PHTF1: variants seen among roughly 807,000 people sequenced by gnomAD.
PHTF1 encodes the protein putative homeodomain transcription factor 1.
A neutral mutation model predicts 102.4 loss-of-function variants in PHTF1; 88 were observed. That is an observed-to-expected ratio of 0.86 (90% CI 0.72 to 1.03). PHTF1 has a LOEUF of 1.03. Ranked by LOEUF, PHTF1 falls within the 50% of genes least tolerant of loss-of-function variation. PHTF1 has a pLI of 0.00. For synonymous variants in PHTF1, 289 were observed against 305.2 expected (o/e 0.95, Z 0.55); for missense variants, 814 against 909.5 (o/e 0.89, Z 1.35).
At chr1:113,729,707 G>A (rs1557944087) in intron 5 of PHTF1, among the ~76,000 whole-genome samples, 1 of 152,166 alleles carries the variant, frequency 6.6e-6, no homozygotes, top group Admixed American at 6.5e-5. Flanking sequence ...AGGTACCTAA[G>A]GATGGCTGCT....
rs12407712 is a variant in PHTF1, at chr1:113,758,824, T to C, written c.-30-91A>G. 2,757 of 1,457,422 alleles carry C rather than the reference T, an allele frequency of 1.9e-3. 6 individuals are homozygous for C. Among genetic ancestry groups the C allele is most frequent in the Middle Eastern group, 0.011 (52 of 4,746 alleles). 90.3% of individuals were successfully genotyped at this position (1,457,422 alleles called of 1,614,324 possible). A position where few individuals can be genotyped will look rare whatever the true frequency, so the allele number is the denominator to read the frequency against. On this transcript the variant is annotated intron_variant, in intron 1 of 18. Coordinates refer to ENST00000369604, the MANE Select transcript of PHTF1 (RefSeq NM_001323043.2). ...GACGCGAAAACCGCTTCTCTCAGCC[T>C]CTCCATGAGCTGCTCTTTCTCCAGC...
intron 11 of PHTF1, among the ~76,000 whole-genome samples, chr1:113,708,043 G>C (rs909429635): frequency 6.6e-6 from 1 of 152,122 alleles, no homozygotes; most frequent in Non-Finnish European, 1.5e-5. Context: ...AGGAGGGAGG[G>C]AATGGTCAGA....
At chr1:113,732,370 C>A (rs1014721888) in intron 5 of PHTF1, among the ~76,000 whole-genome samples, 3 of 152,106 alleles carry the variant, frequency 2.0e-5, no homozygotes, top group Non-Finnish European at 4.4e-5. Flanking sequence ...GTGGCATACG[C>A]CTGTAATCCC....
In PHTF1 at chr1:113,712,054, A is replaced by G; in HGVS notation, c.843T>C (p.Gly281=). The G allele has an allele frequency of 1.2e-6, 2 of 1,614,044 alleles. No homozygotes were observed. Among genetic ancestry groups the G allele is most frequent in the Non-Finnish European group, 1.7e-6 (2 of 1,179,940 alleles). The part of the protein sequence containing the change: ...VSDDLSSEED[G]EARTQMILLR... The stretch of plus-strand genomic sequence containing the variant: ...ATAATATCATCTGTGTCCGTGCTTC[A>G]CCATCTTCTTCACTTGACAGGTCAT... Residue 281 remains glycine (G), a synonymous_variant, in exon 9 of 19, where the codon GGT becomes GGC. Transcript: ENST00000369604.
rs761126479 is a variant in PHTF1 at position 113,711,864 on chromosome 1, G to C, written c.958-29C>G. 3.1e-6 allele frequency: 5 copies of C among 1,605,542 alleles called. No homozygotes were observed. The East Asian group carries it at 8.9e-5, about 29-fold the overall frequency. ...CCAAAAATCAAACCAACAAGCAATAGGAAAATATGTTAAATGCTTTGTTAC... is the reference window on the plus strand; with the variant it reads ...CCAAAAATCAAACCAACAAGCAATACGAAAATATGTTAAATGCTTTGTTAC... On this transcript the variant is annotated intron_variant, in intron 9 of 18. Coordinates refer to ENST00000369604, the MANE Select transcript of PHTF1 (RefSeq NM_001323043.2).
intron 3 of PHTF1, among the ~76,000 whole-genome samples, chr1:113,746,095 A>G (rs1301979188): frequency 6.6e-6 from 1 of 152,218 alleles, no homozygotes; most frequent in Non-Finnish European, 1.5e-5. Flanking sequence ...TATGTAAAGC[A>G]CTAAACCTGG....
In PHTF1 at chr1:113,738,794, C is replaced by T. The variant is rs554007072; in HGVS notation, c.108G>A (p.Leu36=). Residue 36 remains leucine (L), a synonymous_variant, in exon 4 of 19, where the codon TTG becomes TTA. Transcript: ENST00000369604. ...GGCCCATCTTTTTCGGTTTGTTTTTCAAACCCTAGGATAAAACAAAACAAA... is the reference window on the plus strand; with the variant it reads ...GGCCCATCTTTTTCGGTTTGTTTTTTAAACCCTAGGATAAAACAAAACAAA... ...KSIEQTQIKG[L]KNKPKKMGHI... The T allele has an allele frequency of 5.3e-5, 85 of 1,593,458 alleles. 1 individual carries two copies. The South Asian group carries it at 9.5e-4, about 18-fold the overall frequency.
chr1:113,746,016 A>T (rs978215368), intron 3 of PHTF1, among the ~76,000 whole-genome samples: 2 of 152,222 alleles, frequency 1.3e-5, no homozygotes, highest in Admixed American at 1.3e-4. Context: ...GGACTGCTGG[A>T]CTATACAATC....
chr1:113,747,143 G>A (rs61817588), intron 3 of PHTF1, among the ~76,000 whole-genome samples: 10,258 of 152,176 alleles, frequency 0.067, 421 homozygotes, highest in Middle Eastern at 0.11. Flanking sequence ...AAACACGCAC[G>A]CCCTCCTGAA....
Position 113,698,379 on chromosome 1 carries a change from G to T in PHTF1, c.2151C>A (p.Asp717Glu), listed in dbSNP as rs1175264070. 1 of 1,610,270 alleles carries T rather than the reference G, an allele frequency of 6.2e-7. No homozygotes were observed. Among genetic ancestry groups the T allele is most frequent in the Admixed American group, 1.7e-5 (1 of 59,362 alleles). Residue 717 changes from aspartate to glutamate, a missense_variant, in exon 18 of 19, where the codon GAC becomes GAA. By Grantham distance (45) the Asp-to-Glu change is conservative. Transcript: ENST00000369604. The stretch of plus-strand genomic sequence containing the variant: ...TCAGTCCATAGAGTCTAAATGGTGT[G>T]TCCAGCTCCTACAAAAAACATCAAA... ...KLSTKLLKEL[D>E]TPFRLYGLTM...
intron 5 of PHTF1, among the ~76,000 whole-genome samples, chr1:113,735,266 T>C (rs1655291632): frequency 7.0e-6 from 1 of 143,588 alleles, no homozygotes; most frequent in Admixed American, 7.6e-5. Flanking sequence ...CTTCGGAGGC[T>C]GAGGCAAGAG....
intron 3 of PHTF1, chr1:113,746,878 C>G (rs1394927267): frequency 1.1e-6 from 1 of 884,944 alleles, no homozygotes; most frequent in Non-Finnish European, 1.4e-6. Context: ...TACATCCTAG[C>G]TATTTCTTCT....
intron 5 of PHTF1, among the ~76,000 whole-genome samples, chr1:113,736,540 T>G (rs904913716): frequency 1.3e-5 from 2 of 150,492 alleles, no homozygotes; most frequent in African/African-American, 4.9e-5. Flanking sequence ...AGGTCAGGAG[T>G]TCGAGACCAG....
chr1:113,739,701 T>G (rs1451353732), intron 3 of PHTF1, among the ~76,000 whole-genome samples: 1 of 152,240 alleles, frequency 6.6e-6, no homozygotes, highest in East Asian at 1.9e-4. Context: ...CTTTTGTATT[T>G]GTTAACCAAC....
intron 15 of PHTF1, among the ~76,000 whole-genome samples, chr1:113,701,964 AG>A (rs1397879261): frequency 6.6e-6 from 1 of 151,982 alleles, no homozygotes; most frequent in Non-Finnish European, 1.5e-5. Flanking sequence ...GGAGTTACTC[AG>A]GTAGAAGGAA....
Position 113,713,649 on chromosome 1 carries a change from A to G in PHTF1, c.624-211T>C. ...ATGTGAGTCTATTCTTCAAAGACTC[A>G]TGTCAATTAACTGAAAGGAAGCATA... On this transcript the variant is annotated intron_variant, in intron 7 of 18. Coordinates refer to ENST00000369604, the MANE Select transcript of PHTF1 (RefSeq NM_001323043.2). 2 of 492,476 alleles carry G rather than the reference A, an allele frequency of 4.1e-6. 1 individual carries two copies. Among genetic ancestry groups the G allele is most frequent in the South Asian group, 4.9e-5 (2 of 40,450 alleles). 30.5% of individuals were successfully genotyped at this position (492,476 alleles called of 1,614,324 possible). A position where few individuals can be genotyped will look rare whatever the true frequency, so the allele number is the denominator to read the frequency against.
chr1:113,725,744 A>C (rs1653722628), intron 6 of PHTF1: 1 of 152,288 alleles, frequency 6.6e-6, no homozygotes, highest in Admixed American at 6.6e-5. Flanking sequence ...CGGGTGGATC[A>C]CCTGAGGTCA....
At chr1:113,736,648 G>A (rs561283344) in intron 5 of PHTF1, among the ~76,000 whole-genome samples, 31 of 152,236 alleles carry the variant, frequency 2.0e-4, no homozygotes, top group African/African-American at 7.5e-4. Context: ...GGGAGGTTGA[G>A]GCACGAGAAT....
At chr1:113,712,323 T>C (rs1027611920) in intron 8 of PHTF1, among the ~76,000 whole-genome samples, 2 of 152,212 alleles carry the variant, frequency 1.3e-5, no homozygotes, top group East Asian at 1.9e-4. Context: ...CAGTGTTATG[T>C]AGTATTCAAA....
Sources: allele counts gnomAD v4.1 joint callset (sites outside exome capture counted in the v4.1 genomes callset), GRCh38; gene constraint gnomAD v4.1.1; transcripts MANE v1.5; gene names NCBI Gene and HGNC (gene_info 2026-07-23, HGNC 2026-07-21).